HERC2: variants seen among roughly 807,000 people sequenced by gnomAD.
HERC2 encodes HECT and RLD domain containing E3 ubiquitin protein ligase 2.
In HERC2, 102 loss-of-function variants were observed where a neutral mutation model predicts 537.7. The ratio of observed to expected loss-of-function variants is 0.19; its 90% confidence interval spans 0.16 to 0.22. The LOEUF (loss-of-function observed/expected upper bound fraction) is 0.22, where lower values mean the gene tolerates loss of function less well. Ranked by LOEUF, HERC2 falls within the 10% of genes least tolerant of loss-of-function variation. The pLI is 1.00. For missense variants in HERC2, 4,236 were observed against 6,198.2 expected (o/e 0.68, Z 10.63); for synonymous variants, 2,224 against 2,466.2 (o/e 0.90, Z 2.91).
In HERC2 at chr15:28,225,472, C is replaced by T. The variant is rs144517461; in HGVS notation, c.5464+2746G>A. 4.0e-3 allele frequency among the ~76,000 whole-genome samples: 604 copies of T among 151,946 alleles called. 4 individuals carry two copies. The highest frequency in any genetic ancestry group is 0.014 in the African/African-American group (569 of 41,492). On this transcript the variant is annotated intron_variant, in intron 35 of 92. Coordinates refer to ENST00000261609, the MANE Select transcript of HERC2 (RefSeq NM_004667.6). ...CAGCACTTTGGGGAGCTGAGGTGGG[C>T]GGATCGCGAGGTCAAGAGATCGAGA...
chr15:28,255,519 T>C (rs538522182), intron 19 of HERC2, among the ~76,000 whole-genome samples: 1 of 152,246 alleles, frequency 6.6e-6, no homozygotes, highest in Non-Finnish European at 1.5e-5. Context: ...TACTATATAG[T>C]TATATTGCTG....
intron 19 of HERC2, 56 bp from the exon 20 acceptor site, chr15:28,254,574 C>T: frequency 7.8e-7 from 1 of 1,275,722 alleles, no homozygotes; most frequent in Non-Finnish European, 1.1e-6. Flanking sequence ...GGTGTGAAGA[C>T]ACACAGGCTG....
intron 69 of HERC2, among the ~76,000 whole-genome samples, chr15:28,161,177 G>A (rs1161407326): frequency 6.6e-6 from 1 of 152,136 alleles, no homozygotes; most frequent in Non-Finnish European, 1.5e-5. Context: ...GATCATGTAA[G>A]TTACTAAAAT....
At chr15:28,241,186 A>G (rs1903076740) in intron 23 of HERC2, among the ~76,000 whole-genome samples, 1 of 152,214 alleles carries the variant, frequency 6.6e-6, no homozygotes, top group Non-Finnish European at 1.5e-5. Context: ...CCAACAAGAC[A>G]AAAAACCCAA....
chr15:28,270,641 T>C (rs1257727217), intron 10 of HERC2, 54 bp downstream of exon 10: 1 of 1,551,916 alleles, frequency 6.4e-7, no homozygotes, highest in Non-Finnish European at 8.8e-7. Flanking sequence ...GATGAGAACC[T>C]ACAAGTGGTA....
At chr15:28,289,623 C>T (rs777738582) in intron 4 of HERC2, among the ~76,000 whole-genome samples, 1 of 152,164 alleles carries the variant, frequency 6.6e-6, no homozygotes, top group Non-Finnish European at 1.5e-5. Context: ...AAATAAATGA[C>T]TGGTATTCGC....
intron 38 of HERC2, among the ~76,000 whole-genome samples, chr15:28,217,652 G>C (rs1165233696): frequency 6.6e-6 from 1 of 152,176 alleles, no homozygotes; most frequent in East Asian, 1.9e-4. Flanking sequence ...CGGAACCTCA[G>C]AATATGATCT....
chr15:28,236,989 A>G lies in HERC2; in HGVS notation c.3977T>C (p.Leu1326Pro), dbSNP rs981138999. 11 of 1,611,872 alleles carry G rather than the reference A, an allele frequency of 6.8e-6. No individual in the cohort carries two copies. Among genetic ancestry groups the G allele is most frequent in the Non-Finnish European group, 9.3e-6 (11 of 1,179,806 alleles). ...HASYLAMSTP[L>P]SPVEIECAKW... ...GGCACATTCAATCTCGACAGGAGAC[A>G]GCGGTGTGCTCATTGCCAAATACGA... The change falls in exon 26 of 93, where the codon CTG (leucine) becomes CCG (proline). Residue 1326 changes from leucine (L) to proline (P), a missense_variant. By Grantham distance (98) the Leu-to-Pro change is moderately conservative. Transcript: ENST00000261609.
At chr15:28,251,777 G>A (rs550778389) in intron 20 of HERC2, among the ~76,000 whole-genome samples, 1 of 152,264 alleles carries the variant, frequency 6.6e-6, no homozygotes, top group East Asian at 1.9e-4. Flanking sequence ...TCCAGCCTGG[G>A]CAACAGAGCA....
intron 83 of HERC2, among the ~76,000 whole-genome samples, chr15:28,125,570 C>T (rs1232760960): frequency 2.6e-5 from 4 of 152,150 alleles, no homozygotes. Flanking sequence ...AGCAATATCC[C>T]GAACATCCCA....
chr15:28,164,716 A>T (rs1262375997), intron 68 of HERC2, among the ~76,000 whole-genome samples: 1 of 152,234 alleles, frequency 6.6e-6, no homozygotes, highest in African/African-American at 2.4e-5. Context: ...CTGAAATAAT[A>T]GAAATACAGG....
chr15:28,202,465 C>A lies in HERC2; in HGVS notation c.7362G>T (p.Ser2454=), dbSNP rs768716342. Residue 2454 remains serine, a synonymous_variant, in exon 46 of 93, where the codon TCG becomes TCT. Coordinates refer to ENST00000261609, the MANE Select transcript of HERC2 (RefSeq NM_004667.6). ...RPARVKRRKQ[S]PVPALPIVVQ... ...CCACGATCGGCAGAGCGGGAACGGG[C>A]GACTGCTTGCGCCTCTTCACTCTGG... is the stretch of plus-strand genomic sequence containing the variant. The A allele has an allele frequency of 6.6e-6, 10 of 1,505,322 alleles. No homozygotes were observed. In the Admixed American group the frequency reaches 1.2e-4, roughly 19 times the overall value. The allele number at this position is 1,505,322 out of a possible 1,614,324, so 93.2% of individuals were successfully genotyped here. A position where few individuals can be genotyped will look rare whatever the true frequency, so the allele number is the denominator to read the frequency against.
chr15:28,184,336 C>T (rs577142583), intron 56 of HERC2, among the ~76,000 whole-genome samples: 5 of 152,272 alleles, frequency 3.3e-5, no homozygotes, highest in Admixed American at 1.3e-4. Flanking sequence ...GCCAGCTGTA[C>T]GTGGTCAGTG....
At position 28,191,948 on chromosome 15, in the gene HERC2, T is replaced by TC. The variant is rs1566991409; in HGVS notation, c.8451+12_8451+13insG. 1 of 1,610,578 alleles carries TC rather than the reference T, an allele frequency of 6.2e-7. No homozygotes were observed. Reference sequence around the variant, plus strand: ...TGTGAAAGTGCCCGCTGCTGTGCCCTATTAGATGCTACCTTTCCTTGCGAC... The same window carrying TC: ...TGTGAAAGTGCCCGCTGCTGTGCCCTCATTAGATGCTACCTTTCCTTGCGAC... On this transcript the variant is annotated intron_variant, in intron 53 of 92. Transcript: ENST00000261609.
chr15:28,124,294 G>A, intron 84 of HERC2, 60 bp from the exon 85 acceptor site: 1 of 1,172,472 alleles, frequency 8.5e-7, no homozygotes, highest in Non-Finnish European at 1.2e-6. Context: ...GGGCCAGTGT[G>A]GCATCCATTA....
Position 28,168,406 on chromosome 15 carries a change from CCTCT to C in HERC2, c.10410_10413del (p.Glu3471LeufsTer8). 6.2e-7 allele frequency: 1 copy of C among 1,613,214 alleles called. No individual in the cohort carries two copies. The highest frequency in any genetic ancestry group is 8.5e-7 in the Non-Finnish European group (1 of 1,179,566). On this transcript the variant is annotated frameshift_variant and splice_region_variant, in exon 67 of 93. Coordinates refer to ENST00000261609, the MANE Select transcript of HERC2 (RefSeq NM_004667.6). LOFTEE classifies it high-confidence loss of function. ...TAACATTGCTTTAGATTCGCTTTTA[CCTCT>C]CTCTTTTCTTGCCATGGATTTGGAC...
intron 78 of HERC2, among the ~76,000 whole-genome samples, chr15:28,136,128 C>CT (rs879780554): frequency 4.2e-4 from 62 of 146,226 alleles, no homozygotes; most frequent in South Asian, 6.6e-4. Flanking sequence ...GAAAAAACAC[C>CT]TTTTTTTTTT....
intron 78 of HERC2, among the ~76,000 whole-genome samples, chr15:28,137,012 A>C (rs536385207): frequency 6.6e-6 from 1 of 152,348 alleles, no homozygotes; most frequent in African/African-American, 2.4e-5. Flanking sequence ...CAAAAAAAAA[A>C]ACCACAGTCC....
intron 83 of HERC2, among the ~76,000 whole-genome samples, chr15:28,127,539 C>G (rs1482952817): frequency 6.6e-6 from 1 of 152,206 alleles, no homozygotes; most frequent in Non-Finnish European, 1.5e-5. Flanking sequence ...TTACTATTCC[C>G]TGGCTTTGTC....
Sources: gnomAD v4.1 joint callset for allele counts (sites outside exome capture counted in the v4.1 genomes callset) on GRCh38, gnomAD v4.1.1 for gene constraint, MANE v1.5 for transcripts, NCBI Gene and HGNC (gene_info 2026-07-23, HGNC 2026-07-21) for gene names.